WHRN: variants seen among roughly 807,000 people sequenced by gnomAD.
The protein encoded by WHRN is whirlin.
Under a neutral mutation model 68.3 loss-of-function variants are expected in WHRN, and 41 were observed. The ratio of observed to expected loss-of-function variants is 0.60; its 90% CI spans 0.47 to 0.78. WHRN has a LOEUF of 0.78. Ranked by LOEUF, WHRN falls within the 30% of genes least tolerant of loss-of-function variation. WHRN has a pLI of 0.00. For missense variants in WHRN, 1,243 were observed against 1,244.7 expected (o/e 1.00, Z 0.02); for synonymous variants, 560 against 561.3 (o/e 1.00, Z 0.03).
At chr9:114,419,694 G>C (rs1257309578) in intron 7 of WHRN, among the ~76,000 whole-genome samples, 1 of 152,230 alleles carries the variant, frequency 6.6e-6, no homozygotes, top group East Asian at 1.9e-4. Flanking sequence ...ATTCCAGACA[G>C]AAAGCACATG....
chr9:114,447,599 T>G (rs1437015283), intron 3 of WHRN, among the ~76,000 whole-genome samples: 1 of 152,190 alleles, frequency 6.6e-6, no homozygotes, highest in Non-Finnish European at 1.5e-5. Context: ...CAAGACCCCA[T>G]GTGTTGTCCA....
chr9:114,478,296 T>G lies in WHRN; in HGVS notation c.837+257A>C. The stretch of plus-strand genomic sequence containing the variant: ...GAGTGAGACTCTGTCTCCAAATAGA[T>G]AAATAAGCCAATCAATAAATAAATC... On this transcript the variant is annotated intron_variant, in intron 2 of 11. Coordinates refer to ENST00000362057, the MANE Select transcript of WHRN (RefSeq NM_015404.4). 3 of 701,200 alleles carry G rather than the reference T, an allele frequency of 4.3e-6. No homozygotes were observed. In the South Asian group the frequency reaches 4.6e-5, roughly 11 times the overall value. The allele number at this position is 701,200 out of a possible 1,614,324, so 43.4% of individuals were successfully genotyped here. A position where few individuals can be genotyped will look rare whatever the true frequency, so the allele number is the denominator to read the frequency against.
At chr9:114,477,511 G>C (rs1299282687) in intron 2 of WHRN, among the ~76,000 whole-genome samples, 2 of 152,018 alleles carry the variant, frequency 1.3e-5, no homozygotes, top group African/African-American at 4.8e-5. Context: ...TGGTGTCCCT[G>C]CCCCCTTCTG....
chr9:114,493,982 G>A (rs1262625519), intron 1 of WHRN, among the ~76,000 whole-genome samples: 1 of 152,252 alleles, frequency 6.6e-6, no homozygotes, highest in Non-Finnish European at 1.5e-5. Context: ...CAATGAGCAT[G>A]CACTTTGGAG....
chr9:114,429,296 T>C (rs1270763183), intron 3 of WHRN, among the ~76,000 whole-genome samples: 1 of 152,204 alleles, frequency 6.6e-6, no homozygotes, highest in Non-Finnish European at 1.5e-5. Context: ...ACACCTCCCA[T>C]GACCCCTCAT....
At chr9:114,426,081 T>G in intron 4 of WHRN, 130 bp downstream of exon 4, 1 of 1,196,776 alleles carries the variant, frequency 8.4e-7, no homozygotes, top group Non-Finnish European at 1.2e-6. Context: ...GTCCTGCCAA[T>G]GGAGGGCCCT....
intron 1 of WHRN, among the ~76,000 whole-genome samples, chr9:114,490,661 T>C (rs1842903668): frequency 6.6e-6 from 1 of 152,192 alleles, no homozygotes; most frequent in African/African-American, 2.4e-5. Context: ...TCTCAGAGGC[T>C]GGAAGAAAGA....
At chr9:114,412,741 G>A (rs1835537469) in intron 7 of WHRN, among the ~76,000 whole-genome samples, 1 of 152,220 alleles carries the variant, frequency 6.6e-6, no homozygotes, top group Admixed American at 6.5e-5. Context: ...TCACAGAAGT[G>A]TGGTCTTGGG....
chr9:114,498,238 T>G (rs1190249653), intron 1 of WHRN, among the ~76,000 whole-genome samples: 1 of 152,182 alleles, frequency 6.6e-6, no homozygotes, highest in Admixed American at 6.5e-5. Context: ...AGCAAACTTG[T>G]AATGGGGGAG....
rs11292103 is a variant in WHRN, at chr9:114,457,914, C to CAAAAAAA, written c.963+8346_963+8352dup. The stretch of plus-strand genomic sequence containing the variant: ...CTGGGCAACAGAGCCAGACTCTGTT[C>CAAAAAAA]AAAAAAAAAAAAAAAAAGTGGGCAT... On this transcript the variant is annotated intron_variant, in intron 3 of 11. Transcript: ENST00000362057. Among the ~76,000 whole-genome samples, 597 of 123,382 alleles carry CAAAAAAA rather than the reference C, an allele frequency of 4.8e-3. 3 individuals carry two copies. The highest frequency in any genetic ancestry group is 0.017 in the African/African-American group (555 of 32,248). The allele number at this position is 123,382 out of a possible 152,430, so 80.9% of individuals were successfully genotyped here. A position where few individuals can be genotyped will look rare whatever the true frequency, so the allele number is the denominator to read the frequency against.
chr9:114,457,914 C>CAAAAAAAA (rs11292103), intron 3 of WHRN, among the ~76,000 whole-genome samples: 19 of 123,406 alleles, frequency 1.5e-4, no homozygotes, highest in African/African-American at 5.6e-4. Context: ...AGACTCTGTT[C>CAAAAAAAA]AAAAAAAAAA....
chr9:114,447,533 TAC>T (rs774339582), intron 3 of WHRN, among the ~76,000 whole-genome samples: 37 of 152,304 alleles, frequency 2.4e-4, no homozygotes, highest in South Asian at 4.1e-4. Context: ...CTGACTTTAT[TAC>T]AGTTTGCTAT....
intron 3 of WHRN, among the ~76,000 whole-genome samples, chr9:114,432,423 T>TA (rs1477407391): frequency 1.3e-5 from 2 of 152,294 alleles, no homozygotes; most frequent in East Asian, 3.9e-4. Context: ...CTGAGGAAAA[T>TA]AATTTCATTG....
intron 3 of WHRN, among the ~76,000 whole-genome samples, chr9:114,460,990 A>C (rs998710658): frequency 2.0e-5 from 3 of 152,198 alleles, no homozygotes. Context: ...AGCATATCCA[A>C]GGGGCCCTGG....
intron 4 of WHRN, chr9:114,425,855 C>T (rs545343862): frequency 7.0e-5 from 26 of 371,576 alleles, no homozygotes; most frequent in South Asian, 6.1e-4. Context: ...CACCCCAAAG[C>T]ATCTCTCTCT....
chr9:114,457,547 T>G (rs534852437), intron 3 of WHRN, among the ~76,000 whole-genome samples: 2 of 152,200 alleles, frequency 1.3e-5, no homozygotes, highest in South Asian at 4.1e-4. Flanking sequence ...AACATGGGAA[T>G]AGAAAATCAC....
chr9:114,451,276 T>C (rs1252486704), intron 3 of WHRN, among the ~76,000 whole-genome samples: 3 of 152,200 alleles, frequency 2.0e-5, no homozygotes, highest in Admixed American at 6.5e-5. Context: ...GCATGTGGCC[T>C]TAGGGAGGCC....
chr9:114,436,115 A>AAG (rs1837826931), intron 3 of WHRN, among the ~76,000 whole-genome samples: 1 of 152,188 alleles, frequency 6.6e-6, no homozygotes, highest in African/African-American at 2.4e-5. Context: ...TAAGGGGAGG[A>AAG]AGCCAGTCTG....
At chr9:114,430,372 A>G (rs1417462931) in intron 3 of WHRN, among the ~76,000 whole-genome samples, 1 of 152,220 alleles carries the variant, frequency 6.6e-6, no homozygotes, top group African/African-American at 2.4e-5. Flanking sequence ...CATACTAAAA[A>G]ACATATTCAT....
Sources: gnomAD v4.1 joint callset for allele counts (sites outside exome capture counted in the v4.1 genomes callset) on GRCh38, gnomAD v4.1.1 for gene constraint, MANE v1.5 for transcripts, NCBI Gene and HGNC (gene_info 2026-07-23, HGNC 2026-07-21) for gene names.